HFM1: variants seen among roughly 807,000 people sequenced by gnomAD.
HFM1 encodes the protein helicase for meiosis 1.
In HFM1, 169 loss-of-function variants were observed where a neutral mutation model predicts 192.1. The ratio of observed to expected loss-of-function variants is 0.88; its 90% CI spans 0.78 to 1.00. The LOEUF is 1.00. Among genes scored for constraint, HFM1 ranks in the 50% least tolerant of loss-of-function variants. The pLI, the probability that HFM1 is intolerant of heterozygous loss-of-function variation, is 0.00. For synonymous variants in HFM1, 525 were observed against 537.8 expected (o/e 0.98, Z 0.33); for missense variants, 1,661 against 1,668.0 (o/e 1.00, Z 0.07).
intron 1 of HFM1, among the ~76,000 whole-genome samples, chr1:91,402,368 T>C (rs1664401004): frequency 6.6e-6 from 1 of 152,162 alleles, no homozygotes; most frequent in African/African-American, 2.4e-5. Flanking sequence ...GGTTTTTCAC[T>C]GTTTTCGTTA....
rs528991256 is a variant in HFM1, at chr1:91,291,257, T to C, written c.3392-14195A>G. 8.0e-3 allele frequency among the ~76,000 whole-genome samples: 1,222 copies of C among 152,126 alleles called. 22 individuals carry two copies. The highest frequency in any genetic ancestry group is 0.028 in the African/African-American group (1,151 of 41,490). On this transcript the variant is annotated intron_variant, in intron 30 of 38. Transcript: ENST00000370425. ...AACACCCTTCAAAAAATTAATGAAT[T>C]CAGGAGCTGGTTTTTTGAAAGGATC...
intron 30 of HFM1, among the ~76,000 whole-genome samples, chr1:91,293,098 C>A (rs1668973398): frequency 6.6e-6 from 1 of 152,140 alleles, no homozygotes; most frequent in African/African-American, 2.4e-5. Flanking sequence ...ACCATAAAAA[C>A]CCTAGAAGAA....
At chr1:91,262,124 A>G (rs1217436304) in intron 38 of HFM1, 117 bp downstream of exon 38, 2 of 500,704 alleles carry the variant, frequency 4.0e-6, no homozygotes, top group Non-Finnish European at 6.9e-6. Context: ...TAATGTCTTT[A>G]ATAAATGAAA....
intron 8 of HFM1, among the ~76,000 whole-genome samples, chr1:91,379,633 C>G (rs936399734): frequency 2.0e-5 from 3 of 150,736 alleles, no homozygotes; most frequent in African/African-American, 7.4e-5. Flanking sequence ...CCAAAAAGAA[C>G]TAAAAATAGA....
chr1:91,293,870 T>C (rs1250918493), intron 30 of HFM1, among the ~76,000 whole-genome samples: 27 of 150,148 alleles, frequency 1.8e-4, no homozygotes, highest in African/African-American at 6.6e-4. Flanking sequence ...TATGCAGCCA[T>C]AAAAAATGAT....
chr1:91,329,122 T>C (rs1171380838), intron 20 of HFM1: 17 of 1,609,894 alleles, frequency 1.1e-5, no homozygotes, highest in Non-Finnish European at 1.4e-5. Flanking sequence ...GCTGTGGATC[T>C]AATCCAGAAG....
At chr1:91,300,215 C>A (rs1207942753) in intron 30 of HFM1, among the ~76,000 whole-genome samples, 1 of 152,046 alleles carries the variant, frequency 6.6e-6, no homozygotes, top group Non-Finnish European at 1.5e-5. Flanking sequence ...ACACATACAC[C>A]CTCCCAAGAC....
At chr1:91,400,795 T>C (rs1254179962) in intron 2 of HFM1, among the ~76,000 whole-genome samples, 1 of 152,228 alleles carries the variant, frequency 6.6e-6, no homozygotes, top group Admixed American at 6.5e-5. Flanking sequence ...AAATCTATTC[T>C]ATTTTTAAAA....
intron 30 of HFM1, among the ~76,000 whole-genome samples, chr1:91,295,302 T>C (rs1647347428): frequency 6.6e-6 from 1 of 152,202 alleles, no homozygotes; most frequent in Non-Finnish European, 1.5e-5. Flanking sequence ...AAGTGGCAGA[T>C]TGAGTGGCTT....
chr1:91,378,404 T>C lies in HFM1; in HGVS notation c.1235A>G (p.Glu412Gly), dbSNP rs1207453954. The C allele has an allele frequency of 1.9e-6, 3 of 1,589,920 alleles. No homozygotes were observed. The highest frequency in any genetic ancestry group is 2.6e-6 in the Non-Finnish European group (3 of 1,160,478). ...VQLVRLFLID[E>G]VHIVKDENRG... ...TCTGAAAGCGAATGCATTCATTACC[T>C]CATCAATGAGAAACAGTCGAACCAG... Residue 412 changes from glutamate to glycine, a missense_variant and splice_region_variant, in exon 10 of 39, where the codon GAG becomes GGG. Glu to Gly is a moderately conservative substitution (Grantham distance 98). Coordinates refer to ENST00000370425, the MANE Select transcript of HFM1 (RefSeq NM_001017975.6).
chr1:91,379,291 T>C (rs1661273246), intron 8 of HFM1, 77 bp from the exon 9 acceptor site: 2 of 1,204,094 alleles, frequency 1.7e-6, no homozygotes, highest in South Asian at 2.7e-5. Flanking sequence ...GTTAATAAAG[T>C]TAGCATAAAA....
intron 6 of HFM1, among the ~76,000 whole-genome samples, chr1:91,382,524 T>C (rs1333326231): frequency 5.3e-5 from 8 of 152,190 alleles, no homozygotes; most frequent in Non-Finnish European, 1.2e-4. Context: ...GCAGTTAATT[T>C]ATAAATCCTC....
intron 21 of HFM1, 31 bp from the exon 22 acceptor site, chr1:91,323,230 G>T: frequency 8.6e-7 from 1 of 1,161,588 alleles, no homozygotes; most frequent in East Asian, 2.4e-5. Flanking sequence ...TCCATTTAAT[G>T]AAGTCTATTT....
At chr1:91,275,689 C>A (rs1666736754) in intron 32 of HFM1, among the ~76,000 whole-genome samples, 1 of 152,136 alleles carries the variant, frequency 6.6e-6, no homozygotes, top group South Asian at 2.1e-4. Context: ...AGCGATTCTA[C>A]CTCTGAAAAA....
At chr1:91,340,319 T>C (rs577271587) in intron 20 of HFM1, among the ~76,000 whole-genome samples, 1 of 152,268 alleles carries the variant, frequency 6.6e-6, no homozygotes, top group South Asian at 2.1e-4. Flanking sequence ...CTTGGCATTC[T>C]TAAAGAAAAG....
At chr1:91,298,935 A>G (rs896182971) in intron 30 of HFM1, among the ~76,000 whole-genome samples, 1 of 152,196 alleles carries the variant, frequency 6.6e-6, no homozygotes, top group Non-Finnish European at 1.5e-5. Context: ...TTCACACATA[A>G]CAATATTAAC....
chr1:91,274,706 T>C (rs773655549), intron 33 of HFM1, 24 bp downstream of exon 33: 1 of 1,158,214 alleles, frequency 8.6e-7, no homozygotes, highest in Non-Finnish European at 1.3e-6. Context: ...TATTTTACCT[T>C]AGATATTAAC....
chr1:91,396,344 T>C lies in HFM1; in HGVS notation c.133A>G (p.Ile45Val), dbSNP rs1663652809. Residue 45 changes from isoleucine to valine, a missense_variant, in exon 3 of 39, where the codon ATT becomes GTT. By Grantham distance (29) the Ile-to-Val change is conservative. Coordinates refer to ENST00000370425, the MANE Select transcript of HFM1 (RefSeq NM_001017975.6). ...FLPPAPLISE[I>V]PDTQELEEEL... ...TCCTCTAACTCCTGAGTATCTGGAA[T>C]TTCTGAAATCAATGGAGCAGGAGGG... is the stretch of plus-strand genomic sequence containing the variant. 3.7e-6 allele frequency: 6 copies of C among 1,604,688 alleles called. No individual in the cohort carries two copies. The African/African-American group carries it at 5.4e-5, about 14-fold the overall frequency.
intron 6 of HFM1, among the ~76,000 whole-genome samples, chr1:91,382,491 T>C (rs1029842843): frequency 2.0e-5 from 3 of 152,180 alleles, no homozygotes; most frequent in African/African-American, 4.8e-5. Context: ...TCAGTTAATA[T>C]AGGTTTGCAA....
Sources: gnomAD v4.1 joint callset for allele counts (sites outside exome capture counted in the v4.1 genomes callset) on GRCh38, gnomAD v4.1.1 for gene constraint, MANE v1.5 for transcripts, NCBI Gene and HGNC (gene_info 2026-07-23, HGNC 2026-07-21) for gene names.